The following FSTL4 variants were observed in gnomAD, a reference collection of about 807,000 sequenced individuals.
FSTL4 encodes the protein follistatin like 4, also known as follistatin-related protein 4.
In FSTL4, 28 loss-of-function variants were observed where a neutral mutation model predicts 78.2. The observed-to-expected ratio is 0.36, with a 90% CI of 0.27 to 0.49. The LOEUF is 0.49. Among genes scored for constraint, FSTL4 ranks in the 20% least tolerant of loss-of-function variants. The probability of loss-of-function intolerance (pLI) is 0.98; values close to 1 mark genes in which losing one functional copy is unlikely to be tolerated. For missense variants in FSTL4, 922 were observed against 1,084.9 expected, an observed-to-expected ratio of 0.85 and a Z score of 2.11; for synonymous variants, 422 against 440.5, an observed-to-expected ratio of 0.96 and a Z score of 0.53.
At position 133,312,753 on chromosome 5, in the gene FSTL4, C is replaced by A; in HGVS notation, c.628G>T (p.Asp210Tyr). 1.2e-6 allele frequency: 2 copies of A among 1,614,132 alleles called. No homozygotes were observed. The highest frequency in any genetic ancestry group is 2.2e-5 in the South Asian group (2 of 91,082). The change falls in exon 6 of 16, where the codon GAT (aspartate) becomes TAT (tyrosine). Residue 210 changes from aspartate to tyrosine, a missense_variant. Transcript: ENST00000265342. ...AQHVLKKQDLDEDLLGCSPGD... is the reference protein window; with the variant it reads ...AQHVLKKQDLYEDLLGCSPGD... ...GGTGAGCAACCAAGTAAGTCTTCATCCAGGTCCTGCTTCTTCAGCACATGC... is the reference window on the plus strand; with the variant it reads ...GGTGAGCAACCAAGTAAGTCTTCATACAGGTCCTGCTTCTTCAGCACATGC...
At chr5:133,744,615 C>T in the FSTL4 span, among the ~76,000 whole-genome samples, 2 of 152,178 alleles carry the variant, frequency 1.3e-5, no homozygotes, top group African/African-American at 4.8e-5. Flanking sequence ...CCCTTCTTCC[C>T]TGGAAGCATA....
chr5:133,623,792 C>G, the FSTL4 span, among the ~76,000 whole-genome samples: 2 of 151,868 alleles, frequency 1.3e-5, no homozygotes, highest in Admixed American at 6.6e-5. Context: ...AGATGAACAA[C>G]TCAATTAAAA....
rs1252426559 is a variant in FSTL4, at chr5:133,445,929, G to T, written c.161-44943C>A. Among the ~76,000 whole-genome samples, 3 of 152,202 alleles carry T rather than the reference G, an allele frequency of 2.0e-5. No homozygotes were observed. In the East Asian group the frequency reaches 5.8e-4, roughly 29 times the overall value. On this transcript the variant is annotated intron_variant, in intron 3 of 15. Transcript: ENST00000265342. ...TACAGGAGCAGATGGCAGGCTGGGTGCCATTCTAGGCAAACCACGTGTCCC... is the reference window on the plus strand; with the variant it reads ...TACAGGAGCAGATGGCAGGCTGGGTTCCATTCTAGGCAAACCACGTGTCCC...
chr5:133,832,076 C>T, the FSTL4 span, among the ~76,000 whole-genome samples: 2 of 152,150 alleles, frequency 1.3e-5, no homozygotes, highest in Non-Finnish European at 2.9e-5. Flanking sequence ...TACTCAGTGG[C>T]TTACTTAGCA....
At chr5:133,340,174 G>A (rs1754551310) in intron 4 of FSTL4, among the ~76,000 whole-genome samples, 1 of 152,144 alleles carries the variant, frequency 6.6e-6, no homozygotes, top group South Asian at 2.1e-4. Context: ...TGTCAAATGG[G>A]GCTGATAACC....
the FSTL4 span, among the ~76,000 whole-genome samples, chr5:133,777,467 A>G: frequency 2.0e-5 from 3 of 152,216 alleles, no homozygotes; most frequent in African/African-American, 7.2e-5. Context: ...TAATTACACA[A>G]GTAGTTTTGA....
At chr5:133,254,568 G>A (rs1752337336) in intron 6 of FSTL4, among the ~76,000 whole-genome samples, 1 of 152,220 alleles carries the variant, frequency 6.6e-6, no homozygotes, top group Admixed American at 6.5e-5. Context: ...GGGATGCAGA[G>A]AGGGCCCCCT....
intron 6 of FSTL4, among the ~76,000 whole-genome samples, chr5:133,260,166 GC>G (rs1752484820): frequency 6.6e-6 from 1 of 152,156 alleles, no homozygotes; most frequent in African/African-American, 2.4e-5. Flanking sequence ...TGTCCGGCGG[GC>G]CGCTCGAGCA....
chr5:133,417,951 T>G (rs1206371430), intron 3 of FSTL4, among the ~76,000 whole-genome samples: 1 of 93,058 alleles, frequency 1.1e-5, no homozygotes, highest in African/African-American at 4.5e-5. Context: ...AGAGTAAGAC[T>G]CCATCTTAAA....
chr5:133,651,643 A>ATT, the FSTL4 span, among the ~76,000 whole-genome samples: 11 of 149,088 alleles, frequency 7.4e-5, no homozygotes, highest in African/African-American at 1.2e-4. Context: ...TGATTTGCTT[A>ATT]TTTTTTTTTT....
chr5:133,770,955 C>T, the FSTL4 span, among the ~76,000 whole-genome samples: 2 of 151,866 alleles, frequency 1.3e-5, no homozygotes, highest in East Asian at 3.9e-4. Context: ...ATCCAATTTT[C>T]ACAGCATCAT....
At chr5:133,395,153 C>T (rs1755978705) in intron 4 of FSTL4, among the ~76,000 whole-genome samples, 2 of 152,246 alleles carry the variant, frequency 1.3e-5, no homozygotes, top group South Asian at 4.1e-4. Context: ...AAGCAGGCTG[C>T]CCCAGCCAGC....
At chr5:133,386,069 C>T (rs1238937408) in intron 4 of FSTL4, among the ~76,000 whole-genome samples, 1 of 152,224 alleles carries the variant, frequency 6.6e-6, no homozygotes, top group African/African-American at 2.4e-5. Flanking sequence ...CATTAAACCT[C>T]TGTGAGCCTC....
chr5:133,404,285 T>C (rs1247902841), intron 3 of FSTL4, among the ~76,000 whole-genome samples: 1 of 152,090 alleles, frequency 6.6e-6, no homozygotes, highest in Non-Finnish European at 1.5e-5. Context: ...CTCCTTGTCA[T>C]TAAAACAGAA....
the FSTL4 span, among the ~76,000 whole-genome samples, chr5:133,644,679 C>T: frequency 1.3e-5 from 2 of 152,164 alleles, no homozygotes; most frequent in African/African-American, 4.8e-5. Flanking sequence ...ATTATTTGAA[C>T]AAAGGCATTG....
At chr5:133,625,207 C>T in the FSTL4 span, among the ~76,000 whole-genome samples, 1 of 151,554 alleles carries the variant, frequency 6.6e-6, no homozygotes, top group African/African-American at 2.4e-5. Flanking sequence ...GTGTTAGGTC[C>T]TCAAACATTT....
At chr5:133,560,799 T>G (rs1359118191) in intron 3 of FSTL4, among the ~76,000 whole-genome samples, 3 of 151,710 alleles carry the variant, frequency 2.0e-5, no homozygotes, top group Non-Finnish European at 4.4e-5. Context: ...TTTAAGATAA[T>G]TCTTCGGCCA....
chr5:133,613,003 C>G (rs1409708363), upstream of FSTL4, among the ~76,000 whole-genome samples: 1 of 152,226 alleles, frequency 6.6e-6, no homozygotes, highest in African/African-American at 2.4e-5. Context: ...CAAAGGTTTT[C>G]TCTTTTCTGA....
At chr5:133,479,953 C>A (rs1019889324) in intron 3 of FSTL4, among the ~76,000 whole-genome samples, 7 of 152,120 alleles carry the variant, frequency 4.6e-5, no homozygotes, top group South Asian at 2.1e-4. Flanking sequence ...GCTAATGTGT[C>A]TTTTATCTGC....
Sources: gnomAD v4.1 joint callset for allele counts (sites outside exome capture counted in the v4.1 genomes callset) on GRCh38, gnomAD v4.1.1 for gene constraint, MANE v1.5 for transcripts, NCBI Gene and HGNC (gene_info 2026-07-23, HGNC 2026-07-21) for gene names.